NUP214: variants seen among roughly 807,000 people sequenced by gnomAD.
NUP214 encodes nucleoporin 214, also known as nuclear pore complex protein Nup214.
NUP214 carries 79 observed loss-of-function variants against 196.2 expected under a neutral mutation model. The observed-to-expected ratio is 0.40, with a 90% CI of 0.34 to 0.49. NUP214 has a LOEUF of 0.49. NUP214 is among the 20% of genes least tolerant of loss of function. The probability of loss-of-function intolerance (pLI) is 0.58; values close to 1 mark genes in which losing one functional copy is unlikely to be tolerated. For synonymous variants in NUP214, 1,020 were observed against 990.5 expected (o/e 1.03, Z -0.56); for missense variants, 2,468 against 2,539.0 (o/e 0.97, Z 0.60).
intron 22 of NUP214, 135 bp downstream of exon 22, chr9:131,174,453 T>C (rs1833053219): frequency 1.3e-4 from 62 of 481,770 alleles, no homozygotes; most frequent in Non-Finnish European, 1.7e-4. Context: ...TTTTCTTTTT[T>C]TCTTTTTTTT....
At chr9:131,225,239 C>G (rs1174986623) in intron 32 of NUP214, among the ~76,000 whole-genome samples, 1 of 151,954 alleles carries the variant, frequency 6.6e-6, no homozygotes, top group Non-Finnish European at 1.5e-5. Flanking sequence ...ATGGCAAAAA[C>G]CCGTCTCTAC....
chr9:131,159,587 G>C, intron 18 of NUP214, 101 bp downstream of exon 18: 10 of 996,692 alleles, frequency 1.0e-5, no homozygotes, highest in Non-Finnish European at 1.5e-5. Context: ...GCCGGGTGCG[G>C]TGGCTCACGC....
chr9:131,213,476 G>C (rs1229994527), intron 30 of NUP214, among the ~76,000 whole-genome samples: 5 of 152,096 alleles, frequency 3.3e-5, no homozygotes, highest in Non-Finnish European at 7.4e-5. Flanking sequence ...CACCCAGCCT[G>C]TCAAATCACA....
intron 18 of NUP214, among the ~76,000 whole-genome samples, chr9:131,161,813 A>G (rs993681346): frequency 1.3e-5 from 2 of 152,160 alleles, no homozygotes; most frequent in Non-Finnish European, 2.9e-5. Flanking sequence ...TGCTTACACT[A>G]TGTGTACTTA....
rs1433763810 is a variant in NUP214 at position 131,175,622 on chromosome 9, G to A, written c.3319+1G>A. The A allele has an allele frequency of 1.9e-6, 3 of 1,614,094 alleles. No homozygotes were observed. Among genetic ancestry groups the A allele is most frequent in the African/African-American group, 1.3e-5 (1 of 75,044 alleles). ...CGGCAGATGGCCAGTCAGGCACCAG[G>A]TAAAAGCTGTAGCCCCATACCTGTA... On this transcript the variant is annotated splice_donor_variant, in intron 23 of 35. Coordinates refer to ENST00000359428, the MANE Select transcript of NUP214 (RefSeq NM_005085.4). LOFTEE classifies it high-confidence loss of function.
chr9:131,188,228 A>T (rs1428882886), intron 25 of NUP214, among the ~76,000 whole-genome samples: 1 of 152,240 alleles, frequency 6.6e-6, no homozygotes, highest in Non-Finnish European at 1.5e-5. Flanking sequence ...CAGAGTTTGC[A>T]TATTTTTAGT....
Position 131,215,235 on chromosome 9 carries a change from C to A in NUP214, c.5616C>A (p.Ser1872Arg), listed in dbSNP as rs775517800. The stretch of plus-strand genomic sequence containing the variant: ...AGCAATCATCCTCTTCCAGTGGTAG[C>A]GTGTTTGGGTCTGGAAACACTGGAA... Reference protein sequence around the residue: ...FGQQSSSSSGSVFGSGNTGRG... With the variant: ...FGQQSSSSSGRVFGSGNTGRG... Residue 1872 changes from serine (S) to arginine (R), a missense_variant, in exon 31 of 36, where the codon AGC becomes AGA. By Grantham distance (110) the Ser-to-Arg change is moderately radical. This residue lies in a region of NUP214 where 262 missense variants were observed against 296.5 expected (regional missense o/e 0.88). Transcript: ENST00000359428. 2.6e-6 allele frequency: 4 copies of A among 1,566,298 alleles called. No homozygotes were observed. Among genetic ancestry groups the A allele is most frequent in the Non-Finnish European group, 3.5e-6 (4 of 1,158,944 alleles).
Position 131,234,080 on chromosome 9 carries a change from A to G in NUP214, c.*593A>G, listed in dbSNP as rs1834951694. On this transcript the variant is annotated 3_prime_UTR_variant, in exon 36 of 36. Coordinates refer to ENST00000359428, the MANE Select transcript of NUP214 (RefSeq NM_005085.4). ...TTCAGAAGCAGCCATAGCGCTTTTCAGTACAGTACAATAGTAGCCAGCGTG... is the reference window on the plus strand; with the variant it reads ...TTCAGAAGCAGCCATAGCGCTTTTCGGTACAGTACAATAGTAGCCAGCGTG... The G allele has an allele frequency of 4.0e-6, 1 of 248,172 alleles. No individual in the cohort carries two copies. The highest frequency in any genetic ancestry group is 2.2e-5 in the African/African-American group (1 of 45,650). 15.4% of individuals were successfully genotyped at this position (248,172 alleles called of 1,614,324 possible).
chr9:131,145,838 G>A (rs1832072898), intron 12 of NUP214, among the ~76,000 whole-genome samples: 1 of 152,130 alleles, frequency 6.6e-6, no homozygotes, highest in African/African-American at 2.4e-5. Context: ...GGAAACAATA[G>A]TATTTCATAT....
At chr9:131,147,687 A>G in intron 14 of NUP214, 103 bp downstream of exon 14, 1 of 893,128 alleles carries the variant, frequency 1.1e-6, no homozygotes, top group South Asian at 1.5e-5. Flanking sequence ...CAGACCTTGG[A>G]CATAGTAATT....
At chr9:131,139,565 G>A (rs1831847797) in intron 10 of NUP214, among the ~76,000 whole-genome samples, 158 bp downstream of exon 10, 1 of 152,218 alleles carries the variant, frequency 6.6e-6, no homozygotes, top group Admixed American at 6.5e-5. Flanking sequence ...AGGCTGCGTT[G>A]TGACAACACT....
At chr9:131,200,435 C>T (rs762247155) in intron 29 of NUP214, among the ~76,000 whole-genome samples, 12 of 152,160 alleles carry the variant, frequency 7.9e-5, no homozygotes, top group Non-Finnish European at 1.6e-4. Flanking sequence ...CATTGCCGGG[C>T]GCGGTGGCTC....
Position 131,198,034 on chromosome 9 carries a change from G to A in NUP214, c.4540G>A (p.Ala1514Thr), listed in dbSNP as rs779324482. ...KPGDSEVSAS[A>T]ASLLEEQQSA... ...AGGTGACAGTGAGGTCTCAGCATCA[G>A]CAGCCTCACTTCTAGAGGAGCAACA... The change falls in exon 29 of 36, where the codon GCA (alanine) becomes ACA (threonine). Residue 1514 changes from alanine to threonine, a missense_variant. Transcript: ENST00000359428. The A allele has an allele frequency of 1.2e-6, 2 of 1,614,234 alleles. No individual in the cohort carries two copies. The highest frequency in any genetic ancestry group is 3.3e-5 in the Admixed American group (2 of 60,030).
intron 14 of NUP214, among the ~76,000 whole-genome samples, chr9:131,148,955 T>C (rs1000475948): frequency 1.4e-4 from 22 of 152,374 alleles, no homozygotes; most frequent in African/African-American, 5.3e-4. Flanking sequence ...TAATTTTCTA[T>C]TTCAAGGTCA....
intron 30 of NUP214, among the ~76,000 whole-genome samples, chr9:131,203,305 G>A (rs1053390558): frequency 6.6e-5 from 10 of 152,066 alleles, no homozygotes; most frequent in African/African-American, 2.2e-4. Context: ...CATAAGATAG[G>A]TGCGATTATT....
chr9:131,131,813 C>T (rs764153839), intron 5 of NUP214, among the ~76,000 whole-genome samples: 12 of 152,030 alleles, frequency 7.9e-5, no homozygotes, highest in Non-Finnish European at 1.6e-4. Context: ...TTCAGCCTCC[C>T]GGGTAGCTGA....
chr9:131,146,397 A>G lies in NUP214; in HGVS notation c.1945+93A>G. ...AGAGTCGTAGCTAACATAGTTGGACAAGGTTATTTTTTCTTGCTTCCTGTA... is the reference window on the plus strand; with the variant it reads ...AGAGTCGTAGCTAACATAGTTGGACGAGGTTATTTTTTCTTGCTTCCTGTA... On this transcript the variant is annotated intron_variant, in intron 13 of 35. Coordinates refer to ENST00000359428, the MANE Select transcript of NUP214 (RefSeq NM_005085.4). The surrounding 1 kb of genome is among the most constrained non-coding windows in gnomAD (Gnocchi z 4.6). 7.7e-7 allele frequency: 1 copy of G among 1,299,782 alleles called. No individual in the cohort carries two copies. Among genetic ancestry groups the G allele is most frequent in the African/African-American group, 1.5e-5 (1 of 67,746 alleles). The allele number at this position is 1,299,782 out of a possible 1,614,324, so 80.5% of individuals were successfully genotyped here.
In NUP214 at chr9:131,144,465, A is replaced by G. The variant is rs746775178; in HGVS notation, c.1480A>G (p.Thr494Ala). 16 of 1,614,006 alleles carry G rather than the reference A, an allele frequency of 9.9e-6. No individual in the cohort carries two copies. Among genetic ancestry groups the G allele is most frequent in the Middle Eastern group, 1.6e-4 (1 of 6,084 alleles). ...FGSSSLKSSA[T>A]VTGEPPSYSS... ...TTCTTCATCTTTGAAGTCATCTGCT[A>G]CGGTCACTGGGGAGCCCCCTTCATA... The change falls in exon 12 of 36, where the codon ACG becomes GCG. Residue 494 changes from threonine (T) to alanine (A), a missense_variant. By Grantham distance (58) the Thr-to-Ala change is moderately conservative. Coordinates refer to ENST00000359428, the MANE Select transcript of NUP214 (RefSeq NM_005085.4).
intron 24 of NUP214, among the ~76,000 whole-genome samples, chr9:131,181,429 AT>A (rs1833275667): frequency 6.6e-6 from 1 of 152,074 alleles, no homozygotes; most frequent in Admixed American, 6.6e-5. Flanking sequence ...GTGCTGCACC[AT>A]TTTTCATTCC....
Sources: allele counts gnomAD v4.1 joint callset (sites outside exome capture counted in the v4.1 genomes callset), GRCh38; gene constraint gnomAD v4.1.1; regional missense constraint gnomAD v4.1.1; non-coding constraint Gnocchi (gnomAD v3.1); transcripts MANE v1.5; gene names NCBI Gene and HGNC (gene_info 2026-07-23, HGNC 2026-07-21).